TNNI3K: variants seen among roughly 807,000 people sequenced by gnomAD.
TNNI3K encodes serine/threonine-protein kinase TNNI3K.
A neutral mutation model predicts 114.5 loss-of-function variants in TNNI3K; 140 were observed. The ratio of observed to expected loss-of-function variants is 1.22; its 90% CI spans 1.07 to 1.41. TNNI3K has a LOEUF of 1.41. Ranked by LOEUF, TNNI3K falls within the 40% of genes most tolerant of loss-of-function variation. TNNI3K has a pLI of 0.00. For missense variants in TNNI3K, 1,125 were observed against 1,007.6 expected, an observed-to-expected ratio of 1.12 and a Z score of -1.58; for synonymous variants, 347 against 347.5, an observed-to-expected ratio of 1.00 and a Z score of 0.02.
At chr1:74,518,026 A>G (rs1646373565) in intron 23 of TNNI3K, among the ~76,000 whole-genome samples, 1 of 152,174 alleles carries the variant, frequency 6.6e-6, no homozygotes, top group Non-Finnish European at 1.5e-5. Flanking sequence ...TTTTTGAGCA[A>G]GCGATGACCT....
At chr1:74,470,627 A>G in intron 21 of TNNI3K, 1 of 400,652 alleles carries the variant, frequency 2.5e-6, no homozygotes, top group Non-Finnish European at 4.4e-6. Context: ...TCTGTTTTTG[A>G]AAGTTTTTTT....
At chr1:74,257,663 CTTTTTT>C (rs66853287) in intron 4 of TNNI3K, among the ~76,000 whole-genome samples, 1 of 87,242 alleles carries the variant, frequency 1.1e-5, no homozygotes, top group South Asian at 4.3e-4. Context: ...TGGCTTACCT[CTTTTTT>C]TTTTTTTTTT....
At chr1:74,435,401 C>G (rs1258181357) in intron 17 of TNNI3K, among the ~76,000 whole-genome samples, 4 of 151,992 alleles carry the variant, frequency 2.6e-5, no homozygotes, top group Non-Finnish European at 5.9e-5. Flanking sequence ...CATATCTATC[C>G]ACCTCATATG....
chr1:74,452,434 CT>C (rs979239281), intron 20 of TNNI3K, among the ~76,000 whole-genome samples: 6 of 152,138 alleles, frequency 3.9e-5, no homozygotes, highest in Non-Finnish European at 5.9e-5. Context: ...CTTGACTCCT[CT>C]TTAGTCTCGT....
rs1414231355 is a variant in TNNI3K, at chr1:74,465,914, G to T, written c.2121+2364G>T. ...GGCCAGATAAGGGAATAAAAGCAGG[G>T]TGCCCAAGCCAGCAGCAGCAGTAAG... On this transcript the variant is annotated intron_variant, in intron 21 of 24. Transcript: ENST00000326637. Among the ~76,000 whole-genome samples, 3 of 152,166 alleles carry T rather than the reference G, an allele frequency of 2.0e-5. No homozygotes were observed. The East Asian group carries it at 5.8e-4, about 29-fold the overall frequency.
intron 17 of TNNI3K, among the ~76,000 whole-genome samples, chr1:74,410,499 C>T (rs1310047236): frequency 1.3e-5 from 2 of 152,142 alleles, no homozygotes; most frequent in Non-Finnish European, 2.9e-5. Context: ...ATATTAATTT[C>T]TAAAAGGATA....
At chr1:74,260,210 T>G (rs1655581434) in intron 4 of TNNI3K, among the ~76,000 whole-genome samples, 3 of 152,200 alleles carry the variant, frequency 2.0e-5, no homozygotes, top group Admixed American at 2.0e-4. Flanking sequence ...AATTATTTAT[T>G]TATTTGCATA....
intron 23 of TNNI3K, among the ~76,000 whole-genome samples, chr1:74,507,304 G>A (rs141626938): frequency 4.8e-4 from 70 of 146,808 alleles, no homozygotes; most frequent in Non-Finnish European, 7.9e-4. Context: ...TCCTCCTGTA[G>A]GAAGTTGTCC....
At position 74,418,120 on chromosome 1, in the gene TNNI3K, A is replaced by G. The variant is rs1327790926; in HGVS notation, c.1773-17960A>G. On this transcript the variant is annotated intron_variant, in intron 17 of 24. Transcript: ENST00000326637. ...AAACATGTTATATGGGACTGTGGGAAGTCTTCCTAAAAGGTAGGAGGTCTT... is the reference window on the plus strand; with the variant it reads ...AAACATGTTATATGGGACTGTGGGAGGTCTTCCTAAAAGGTAGGAGGTCTT... 3 of 448,062 alleles carry G rather than the reference A, an allele frequency of 6.7e-6. No homozygotes were observed. In the Admixed American group the frequency reaches 7.3e-5, roughly 11 times the overall value. 27.8% of individuals were successfully genotyped at this position (448,062 alleles called of 1,614,324 possible).
At chr1:74,261,624 A>G (rs924616676) in intron 4 of TNNI3K, among the ~76,000 whole-genome samples, 3 of 152,114 alleles carry the variant, frequency 2.0e-5, no homozygotes, top group African/African-American at 7.2e-5. Flanking sequence ...ATAGTTTAGA[A>G]GATCTTAATT....
intron 5 of TNNI3K, among the ~76,000 whole-genome samples, chr1:74,282,732 T>A (rs955162551): frequency 6.6e-6 from 1 of 152,150 alleles, no homozygotes; most frequent in Non-Finnish European, 1.5e-5. Flanking sequence ...TCTCTTTCTG[T>A]CTCTCTCTTT....
chr1:74,385,244 G>A (rs1312098673), intron 17 of TNNI3K, among the ~76,000 whole-genome samples: 1 of 152,142 alleles, frequency 6.6e-6, no homozygotes, highest in African/African-American at 2.4e-5. Context: ...TATAAGAAAG[G>A]AATTGATTGC....
At chr1:74,339,063 C>G (rs1660622872) in intron 7 of TNNI3K, among the ~76,000 whole-genome samples, 1 of 152,070 alleles carries the variant, frequency 6.6e-6, no homozygotes, top group Non-Finnish European at 1.5e-5. Context: ...CCAACCTTAG[C>G]TTTTTATTCC....
At chr1:74,421,916 C>T (rs927115196) in intron 17 of TNNI3K, among the ~76,000 whole-genome samples, 1 of 151,376 alleles carries the variant, frequency 6.6e-6, no homozygotes, top group African/African-American at 2.4e-5. Context: ...GAGTCACATG[C>T]AACTTAGGGA....
chr1:74,277,972 G>A (rs1037444613), intron 5 of TNNI3K, among the ~76,000 whole-genome samples: 1 of 152,134 alleles, frequency 6.6e-6, no homozygotes, highest in African/African-American at 2.4e-5. Context: ...ACTCAGTATT[G>A]TTTCAGTTCA....
intron 23 of TNNI3K, among the ~76,000 whole-genome samples, chr1:74,520,758 G>A (rs1423184847): frequency 6.6e-6 from 1 of 152,136 alleles, no homozygotes; most frequent in Non-Finnish European, 1.5e-5. Context: ...ATGTGGCGGT[G>A]ATAAAGAAAA....
chr1:74,279,910 CA>C (rs1223524105), intron 5 of TNNI3K, among the ~76,000 whole-genome samples: 1 of 152,030 alleles, frequency 6.6e-6, no homozygotes, highest in African/African-American at 2.4e-5. Flanking sequence ...ATAAATAACC[CA>C]ATTGAAAAAT....
chr1:74,342,814 A>C (rs1440144545), intron 7 of TNNI3K, 28 bp from the exon 8 acceptor site: 1 of 1,612,518 alleles, frequency 6.2e-7, no homozygotes, highest in East Asian at 2.2e-5. Flanking sequence ...TCTAGATAAC[A>C]TATCTTTTTC....
intron 23 of TNNI3K, among the ~76,000 whole-genome samples, chr1:74,507,221 T>TGA (rs1553153836): frequency 2.3e-5 from 2 of 85,924 alleles, no homozygotes; most frequent in Non-Finnish European, 5.2e-5. Context: ...TTAAATTTCT[T>TGA]CACCCCCCCC....
Sources: allele counts gnomAD v4.1 joint callset (sites outside exome capture counted in the v4.1 genomes callset), GRCh38; gene constraint gnomAD v4.1.1; transcripts MANE v1.5; gene names NCBI Gene and HGNC (gene_info 2026-07-23, HGNC 2026-07-21).